The following FOXA2 variants were observed in gnomAD, a reference collection of about 807,000 sequenced individuals.
FOXA2 encodes the protein forkhead box A2, also known as hepatocyte nuclear factor 3-beta.
Under a neutral mutation model 33.3 loss-of-function variants are expected in FOXA2, and 9 were observed. That is an observed-to-expected ratio of 0.27 (90% CI 0.16 to 0.47). The LOEUF (loss-of-function observed/expected upper bound fraction) is 0.47, where lower values mean the gene tolerates loss of function less well. Ranked by LOEUF, FOXA2 falls within the 20% of genes least tolerant of loss-of-function variation. The pLI, the probability that FOXA2 is intolerant of heterozygous loss-of-function variation, is 0.99. For missense variants in FOXA2, 704 were observed against 659.9 expected, an observed-to-expected ratio of 1.07 and a Z score of -0.73; for synonymous variants, 329 against 289.4, an observed-to-expected ratio of 1.14 and a Z score of -1.39.
Position 22,582,760 on chromosome 20 carries a change from T to A in FOXA2, c.482A>T (p.Tyr161Phe). 6.2e-7 allele frequency: 1 copy of A among 1,614,074 alleles called. No individual in the cohort carries two copies. The highest frequency in any genetic ancestry group is 8.5e-7 in the Non-Finnish European group (1 of 1,179,982). ...CGAGTAGGGCGGCTTTGCGTGCGTG[T>A]AGCTGCGCCTGTAGGTCTTGGGGTC... ...ARDPKTYRRS[Y>F]THAKPPYSYI... is the part of the protein sequence containing the mutation. The change falls in exon 2 of 2, where the codon TAC becomes TTC. Residue 161 changes from tyrosine (Y) to phenylalanine (F), a missense_variant. Coordinates refer to ENST00000419308, the MANE Select transcript of FOXA2 (RefSeq NM_021784.5).
Position 22,581,762 on chromosome 20 carries a change from TC to T in FOXA2, c.*87del. On this transcript the variant is annotated 3_prime_UTR_variant, in exon 2 of 2. Coordinates refer to ENST00000419308, the MANE Select transcript of FOXA2 (RefSeq NM_021784.5). ...TCTCCCTTGCGTCTCTGCAACACCGTCTCCCCAAAGTCTCGACCCCCACTTG... is the reference window on the plus strand; with the variant it reads ...TCTCCCTTGCGTCTCTGCAACACCGTTCCCCAAAGTCTCGACCCCCACTTG... 1 of 1,274,206 alleles carries T rather than the reference TC, an allele frequency of 7.8e-7. No homozygotes were observed. Among genetic ancestry groups the T allele is most frequent in the African/African-American group, 1.5e-5 (1 of 68,010 alleles). 78.9% of individuals were successfully genotyped at this position (1,274,206 alleles called of 1,614,324 possible). A position where few individuals can be genotyped will look rare whatever the true frequency, so the allele number is the denominator to read the frequency against.
At chr20:22,583,247 C>T in intron 1 of FOXA2, 93 bp from the exon 2 acceptor site, 1 of 1,395,226 alleles carries the variant, frequency 7.2e-7, no homozygotes, top group South Asian at 1.2e-5. Context: ...CCTCCGCGTC[C>T]GGGGAGGCCT....
Position 22,581,986 on chromosome 20 carries a change from C to T in FOXA2, c.1256G>A (p.Gly419Asp). The change falls in exon 2 of 2, where the codon GGC becomes GAC. Residue 419 changes from glycine to aspartate, a missense_variant. Around this residue, in one of 5 missense-constraint regions of FOXA2, gnomAD observed 343 missense variants for 274.8 expected, o/e 1.25. Coordinates refer to ENST00000419308, the MANE Select transcript of FOXA2 (RefSeq NM_021784.5). Reference sequence around the variant, plus strand: ...GCTGCCAGGCATGGGGGAACCGTAGCCGGGGTAGTGCATCACCTGTTCGTA... The same window carrying T: ...GCTGCCAGGCATGGGGGAACCGTAGTCGGGGTAGTGCATCACCTGTTCGTA... Reference protein sequence around the residue: ...KAYEQVMHYPGYGSPMPGSLA... With the variant: ...KAYEQVMHYPDYGSPMPGSLA... The T allele has an allele frequency of 6.2e-7, 1 of 1,613,864 alleles. No homozygotes were observed. The highest frequency in any genetic ancestry group is 8.5e-7 in the Non-Finnish European group (1 of 1,179,748).
upstream of FOXA2, among the ~76,000 whole-genome samples, chr20:22,584,669 T>TGGG (rs1984711595): frequency 1.9e-4 from 1 of 5,164 alleles, no homozygotes; most frequent in Non-Finnish European, 3.9e-4. Context: ...GCGGTGGTGG[T>TGGG]GGTGGAGGAG....
rs1380600114 is a variant in FOXA2 at position 22,582,885 on chromosome 20, G to C, written c.357C>G (p.Leu119=). The change falls in exon 2 of 2, where the codon CTC becomes CTG. Residue 119 remains leucine (L), a synonymous_variant. Transcript: ENST00000419308. ...CCATGGCCCCGGCCGCCTGCCCCCC[G>C]AGCGGGCTCAGGCTGGGACTCAAGT... ...GPHLSPSLSP[L]GGQAAGAMGG... The C allele has an allele frequency of 1.9e-6, 3 of 1,575,000 alleles. No homozygotes were observed. The African/African-American group carries it at 4.1e-5, about 21-fold the overall frequency.
At chr20:22,584,169 C>G (rs917421202) in intron 1 of FOXA2, 23 bp downstream of exon 1, 3 of 1,611,186 alleles carry the variant, frequency 1.9e-6, no homozygotes, top group Admixed American at 3.3e-5. Context: ...CTCCACTTCC[C>G]CCTGGAAAAG....
rs1460524167 is a variant in FOXA2 at position 22,582,965 on chromosome 20, T to C, written c.277A>G (p.Met93Val). The C allele has an allele frequency of 3.1e-6, 5 of 1,600,264 alleles. No individual in the cohort carries two copies. Among genetic ancestry groups the C allele is most frequent in the Non-Finnish European group, 4.3e-6 (5 of 1,176,380 alleles). ...LAGMSPGAGAMAGMGGSAGAA... is the reference protein window; with the variant it reads ...LAGMSPGAGAVAGMGGSAGAA... ...CCGGCCGAGCCGCCCATGCCCGCCA[T>C]GGCGCCCGCGCCGGGGGACATCCCC... Residue 93 changes from methionine to valine, a missense_variant, in exon 2 of 2, where the codon ATG (methionine) becomes GTG (valine). Coordinates refer to ENST00000419308, the MANE Select transcript of FOXA2 (RefSeq NM_021784.5).
At position 22,582,143 on chromosome 20, in the gene FOXA2, C is replaced by T; in HGVS notation, c.1099G>A (p.Glu367Lys). Residue 367 changes from glutamate (E) to lysine (K), a missense_variant, in exon 2 of 2, where the codon GAG becomes AAG. This residue lies in a region of FOXA2 where 343 missense variants were observed against 274.8 expected (regional missense o/e 1.25). Coordinates refer to ENST00000419308, the MANE Select transcript of FOXA2 (RefSeq NM_021784.5). ...TGGTGTTCCGGCTTCAGGTGGGCCT[C>T]AGGCGGCAGGCCCGGGTGGTGGGGC... ...GPPHHPGLPP[E>K]AHLKPEHHYA... 6.4e-7 allele frequency: 1 copy of T among 1,574,158 alleles called. No individual in the cohort carries two copies. Among genetic ancestry groups the T allele is most frequent in the East Asian group, 2.4e-5 (1 of 42,390 alleles).
intron 1 of FOXA2, among the ~76,000 whole-genome samples, chr20:22,583,548 T>C (rs1984664301): frequency 6.6e-6 from 1 of 152,204 alleles, no homozygotes; most frequent in South Asian, 2.1e-4. Context: ...CCACCTCCGG[T>C]CGCAGCAAGC....
chr20:22,583,171 G>C lies in FOXA2; in HGVS notation c.88-17C>G. On this transcript the variant is annotated splice_polypyrimidine_tract_variant and intron_variant, in intron 1 of 1. Transcript: ENST00000419308. ...GGAGTAGCCCTGCGGACAGAGCCCC[G>C]GGAGGGAGGCGACAGCGTTAGCACC... is the stretch of plus-strand genomic sequence containing the variant. 1 of 1,599,412 alleles carries C rather than the reference G, an allele frequency of 6.3e-7. No individual in the cohort carries two copies. The highest frequency in any genetic ancestry group is 8.5e-7 in the Non-Finnish European group (1 of 1,179,652).
rs890466414 is a variant in FOXA2 at position 22,581,239 on chromosome 20, A to G, written c.*611T>C. ...TTGTGGAACTCTGGCCCTTGCAGCC[A>G]GAATACACATTTATAAGCCATAAAT... is the stretch of plus-strand genomic sequence containing the variant. On this transcript the variant is annotated 3_prime_UTR_variant, in exon 2 of 2. Transcript: ENST00000419308. 3.9e-5 allele frequency: 6 copies of G among 152,716 alleles called. No homozygotes were observed. The highest frequency in any genetic ancestry group is 1.4e-4 in the African/African-American group (6 of 41,468). The allele number at this position is 152,716 out of a possible 1,614,324, so 9.5% of individuals were successfully genotyped here. A position where few individuals can be genotyped will look rare whatever the true frequency, so the allele number is the denominator to read the frequency against.
At position 22,582,338 on chromosome 20, in the gene FOXA2, C is replaced by T. The variant is rs2122992147; in HGVS notation, c.904G>A (p.Glu302Lys). 4 of 1,480,304 alleles carry T rather than the reference C, an allele frequency of 2.7e-6. No individual in the cohort carries two copies. In the East Asian group the frequency reaches 7.3e-5, roughly 27 times the overall value. 91.7% of individuals were successfully genotyped at this position (1,480,304 alleles called of 1,614,324 possible). Residue 302 changes from glutamate to lysine, a missense_variant, in exon 2 of 2, where the codon GAG becomes AAG. This residue lies in a region of FOXA2 where 343 missense variants were observed against 274.8 expected (regional missense o/e 1.25). Transcript: ENST00000419308. ...GGCGACTCGGTGCCCGCCGGAGTCT[C>T]GGAGGCCGGCCCGGCGGCCTCCCCG... Reference protein sequence around the residue: ...QLGEAAGPASETPAGTESPHS... With the variant: ...QLGEAAGPASKTPAGTESPHS...
chr20:22,583,383 T>C (rs1175673299), intron 1 of FOXA2, among the ~76,000 whole-genome samples: 1 of 152,178 alleles, frequency 6.6e-6, no homozygotes, highest in Non-Finnish European at 1.5e-5. Flanking sequence ...ATGTGGCCCG[T>C]TCCTAGCCCT....
Position 22,583,832 on chromosome 20 carries a change from C to G in FOXA2, c.87+360G>C, listed in dbSNP as rs552885152. Among the ~76,000 whole-genome samples, 3 of 152,310 alleles carry G rather than the reference C, an allele frequency of 2.0e-5. No individual in the cohort carries two copies. The South Asian group carries it at 6.2e-4, about 32-fold the overall frequency. On this transcript the variant is annotated intron_variant, in intron 1 of 1. Transcript: ENST00000419308. ...ACTCTGCCTCCACTTCAGCCCCCAA[C>G]TCCTACCCATCTTCTCCTCCTCAGC...
Position 22,583,036 on chromosome 20 carries a change from A to T in FOXA2, c.206T>A (p.Met69Lys), listed in dbSNP as rs993045413. Reference protein sequence around the residue: ...SGSGNMSAGSMNMSSYVGAGM... With the variant: ...SGSGNMSAGSKNMSSYVGAGM... The stretch of plus-strand genomic sequence containing the variant: ...AGCGCCCACGTACGACGACATGTTC[A>T]TGGAGCCCGCGCTCATGTTGCCCGA... Residue 69 changes from methionine (M) to lysine (K), a missense_variant, in exon 2 of 2, where the codon ATG (methionine) becomes AAG (lysine). By Grantham distance (95) the Met-to-Lys change is moderately conservative. Around this residue, in one of 5 missense-constraint regions of FOXA2, gnomAD observed 304 missense variants for 251.7 expected, o/e 1.21. Coordinates refer to ENST00000419308, the MANE Select transcript of FOXA2 (RefSeq NM_021784.5). 2 of 1,609,954 alleles carry T rather than the reference A, an allele frequency of 1.2e-6. No homozygotes were observed. Among genetic ancestry groups the T allele is most frequent in the Non-Finnish European group, 1.7e-6 (2 of 1,179,740 alleles).
Position 22,583,101 on chromosome 20 carries a change from G to A in FOXA2, c.141C>T (p.Asn47=). The A allele has an allele frequency of 1.9e-6, 3 of 1,607,912 alleles. No individual in the cohort carries two copies. Among genetic ancestry groups the A allele is most frequent in the Non-Finnish European group, 8.5e-7 (1 of 1,179,864 alleles). The part of the protein sequence containing the change: ...MNAGLGMNGM[N]TYMSMSAAAM... The stretch of plus-strand genomic sequence containing the variant: ...CGGCCGCCGACATGCTCATGTACGT[G>A]TTCATGCCGTTCATCCCCAGGCCGG... The change falls in exon 2 of 2, where the codon AAC becomes AAT. Residue 47 remains asparagine, a synonymous_variant. Coordinates refer to ENST00000419308, the MANE Select transcript of FOXA2 (RefSeq NM_021784.5).
Position 22,581,776 on chromosome 20 carries a change from C to A in FOXA2, c.*74G>T. 7.0e-7 allele frequency: 1 copy of A among 1,435,584 alleles called. No individual in the cohort carries two copies. Among genetic ancestry groups the A allele is most frequent in the South Asian group, 1.2e-5 (1 of 82,744 alleles). The allele number at this position is 1,435,584 out of a possible 1,614,324, so 88.9% of individuals were successfully genotyped here. On this transcript the variant is annotated 3_prime_UTR_variant, in exon 2 of 2. Transcript: ENST00000419308. ...CTGCAACACCGTCTCCCCAAAGTCT[C>A]GACCCCCACTTGCTCTCTCACTTGT...
upstream of FOXA2, chr20:22,585,424 G>T (rs1292701375): frequency 6.6e-6 from 1 of 152,238 alleles, no homozygotes; most frequent in Admixed American, 6.5e-5. Flanking sequence ...GCAGTGGGGC[G>T]GCCGGCGCCT....
In FOXA2 at chr20:22,582,321, G is replaced by A; in HGVS notation, c.921C>T (p.Thr307=). Residue 307 remains threonine (T), a synonymous_variant, in exon 2 of 2, where the codon ACC becomes ACT. Coordinates refer to ENST00000419308, the MANE Select transcript of FOXA2 (RefSeq NM_021784.5). ...GGGAGGCGCTCGAGTGAGGCGACTC[G>A]GTGCCCGCCGGAGTCTCGGAGGCCG... The part of the protein sequence containing the change: ...AGPASETPAG[T]ESPHSSASPC... 2 of 1,474,096 alleles carry A rather than the reference G, an allele frequency of 1.4e-6. No homozygotes were observed. The highest frequency in any genetic ancestry group is 8.9e-7 in the Non-Finnish European group (1 of 1,121,690). The allele number at this position is 1,474,096 out of a possible 1,614,324, so 91.3% of individuals were successfully genotyped here.
Sources: gnomAD v4.1 joint callset for allele counts (sites outside exome capture counted in the v4.1 genomes callset) on GRCh38, gnomAD v4.1.1 for gene constraint, gnomAD v4.1.1 regional missense constraint, MANE v1.5 for transcripts, NCBI Gene and HGNC (gene_info 2026-07-23, HGNC 2026-07-21) for gene names.